VPS53: variants seen among roughly 807,000 people sequenced by gnomAD.
VPS53 encodes the protein VPS53 subunit of GARP complex.
VPS53 carries 70 observed loss-of-function variants against 107.0 expected under a neutral mutation model. The ratio of observed to expected loss-of-function variants is 0.65; its 90% confidence interval spans 0.54 to 0.80. The LOEUF (loss-of-function observed/expected upper bound fraction) is 0.80, where lower values mean the gene tolerates loss of function less well. Among genes scored for constraint, VPS53 ranks in the 30% least tolerant of loss-of-function variants. VPS53 has a pLI of 0.00. For missense variants in VPS53, 917 were observed against 1,049.4 expected (o/e 0.87, Z 1.74); for synonymous variants, 409 against 393.3 (o/e 1.04, Z -0.47).
chr17:616,250 TTGAATTAAAGAAGC>T (rs1267423186), intron 11 of VPS53: 1 of 151,988 alleles, frequency 6.6e-6, no homozygotes, highest in Non-Finnish European at 1.5e-5. Flanking sequence ...GAGGACGAAG[TTGAATTAAAGAAGC>T]TGAAGGATTT....
chr17:563,200 A>T (rs1913179652), intron 13 of VPS53, among the ~76,000 whole-genome samples: 1 of 152,150 alleles, frequency 6.6e-6, no homozygotes, highest in Non-Finnish European at 1.5e-5. Flanking sequence ...GAAAACCCTA[A>T]ATCATGATAG....
intron 4 of VPS53, among the ~76,000 whole-genome samples, 192 bp from the exon 5 acceptor site, chr17:662,087 G>A (rs993988494): frequency 1.3e-5 from 2 of 152,118 alleles, no homozygotes; most frequent in African/African-American, 2.4e-5. Flanking sequence ...GTAAACACTC[G>A]GGACTCTTAC....
intron 6 of VPS53, among the ~76,000 whole-genome samples, chr17:654,217 A>G (rs975677457): frequency 1.3e-5 from 2 of 152,034 alleles, no homozygotes; most frequent in Non-Finnish European, 2.9e-5. Context: ...AAAAATACAC[A>G]AAGAGCAGCA....
intron 13 of VPS53, among the ~76,000 whole-genome samples, chr17:572,411 T>TG (rs1161082968): frequency 2.5e-4 from 32 of 129,590 alleles, no homozygotes; most frequent in Non-Finnish European, 3.6e-4. Flanking sequence ...GGGAGGGAGG[T>TG]GGGGGGGTCA....
intron 12 of VPS53, among the ~76,000 whole-genome samples, chr17:597,033 T>C (rs1193383776): frequency 2.6e-5 from 4 of 152,248 alleles, no homozygotes; most frequent in Non-Finnish European, 5.9e-5. Flanking sequence ...TCCTTTCTGT[T>C]ATGCTTTCAG....
intron 5 of VPS53, among the ~76,000 whole-genome samples, chr17:660,711 C>T (rs1971405743): frequency 6.6e-6 from 1 of 151,234 alleles, no homozygotes; most frequent in South Asian, 2.1e-4. Flanking sequence ...CTGGGTGCTG[C>T]TGGGTGTGGT....
At chr17:698,355 C>G (rs1973060084) in intron 3 of VPS53, among the ~76,000 whole-genome samples, 1 of 151,516 alleles carries the variant, frequency 6.6e-6, no homozygotes, top group Admixed American at 6.6e-5. Flanking sequence ...ATTGCTCGAA[C>G]CTGGGAGGTG....
At position 586,310 on chromosome 17, in the gene VPS53, A is replaced by G; in HGVS notation, c.1273T>C (p.Phe425Leu). Residue 425 changes from phenylalanine (F) to leucine (L), a missense_variant, in exon 13 of 22, where the codon TTT becomes CTT. Physicochemically the swap from Phe to Leu is conservative, Grantham distance 22 (BLOSUM62 0). Transcript: ENST00000437048. ...ATATACACGTAGAGATGAGGCTCAA[A>G]ACACTTGGAAACAATGCCATGAAAT... ...NPFHGIVSKCFEPHLYVYIES... is the reference protein window; with the variant it reads ...NPFHGIVSKCLEPHLYVYIES... The G allele has an allele frequency of 6.2e-7, 1 of 1,614,124 alleles. No homozygotes were observed. The highest frequency in any genetic ancestry group is 2.2e-5 in the East Asian group (1 of 44,878).
At chr17:703,008 C>T (rs748235664) in intron 2 of VPS53, among the ~76,000 whole-genome samples, 6 of 152,158 alleles carry the variant, frequency 3.9e-5, no homozygotes, top group Non-Finnish European at 8.8e-5. Flanking sequence ...CAGTTCAAGA[C>T]CAGTCTCTGG....
intron 18 of VPS53, among the ~76,000 whole-genome samples, chr17:534,003 C>A (rs932584787): frequency 6.6e-6 from 1 of 152,092 alleles, no homozygotes; most frequent in Non-Finnish European, 1.5e-5. Context: ...GCATACCCAG[C>A]TAATTTTTGT....
chr17:553,520 C>G (rs1912057517), intron 15 of VPS53, 58 bp from the exon 16 acceptor site: 1 of 1,258,410 alleles, frequency 7.9e-7, no homozygotes, highest in Non-Finnish European at 1.1e-6. Flanking sequence ...GAAGTACCAT[C>G]ACAATAATAG....
At chr17:548,841 T>C (rs1002492125) in intron 17 of VPS53, among the ~76,000 whole-genome samples, 27 of 152,232 alleles carry the variant, frequency 1.8e-4, no homozygotes, top group African/African-American at 5.8e-4. Context: ...GTTTTCACCC[T>C]GTTTGAACTG....
intron 7 of VPS53, among the ~76,000 whole-genome samples, chr17:642,857 T>C (rs1970489137): frequency 1.4e-5 from 2 of 147,620 alleles, no homozygotes; most frequent in Non-Finnish European, 3.0e-5. Context: ...AGGACAACAC[T>C]CATACTTGGA....
chr17:613,815 T>C (rs1969011565), intron 11 of VPS53, among the ~76,000 whole-genome samples: 1 of 152,172 alleles, frequency 6.6e-6, no homozygotes, highest in African/African-American at 2.4e-5. Flanking sequence ...GTTCACACAG[T>C]GAAAACCTGT....
chr17:670,781 G>A (rs750558327), intron 4 of VPS53, among the ~76,000 whole-genome samples: 8 of 152,298 alleles, frequency 5.3e-5, no homozygotes, highest in East Asian at 3.9e-4. Flanking sequence ...TTCATTTTCC[G>A]AAGAGCTGGT....
At position 646,124 on chromosome 17, in the gene VPS53, G is replaced by A. The variant is rs184161286; in HGVS notation, c.608+7167C>T. ...GGAGACTGGCTCTTACACACATCTC[G>A]GTGACCGCGTGGCCTCTGCCTGATA... On this transcript the variant is annotated intron_variant, in intron 7 of 21. Coordinates refer to ENST00000437048, the MANE Select transcript of VPS53 (RefSeq NM_001128159.3). 1.6e-4 allele frequency among the ~76,000 whole-genome samples: 9 copies of A among 56,886 alleles called. 2 individuals carry two copies. The highest frequency in any genetic ancestry group is 2.4e-4 in the Non-Finnish European group (7 of 28,920). 37.3% of individuals were successfully genotyped at this position (56,886 alleles called of 152,430 possible).
chr17:539,988 C>A (rs973302149), intron 17 of VPS53, among the ~76,000 whole-genome samples: 3 of 151,954 alleles, frequency 2.0e-5, no homozygotes, highest in African/African-American at 7.3e-5. Flanking sequence ...AGCCCAAACC[C>A]GGTCTATCTA....
At chr17:693,660 G>A (rs916947636) in intron 4 of VPS53, among the ~76,000 whole-genome samples, 2 of 152,174 alleles carry the variant, frequency 1.3e-5, no homozygotes, top group Non-Finnish European at 2.9e-5. Flanking sequence ...CTTGGCCCCA[G>A]GAGTTCAAGG....
intron 4 of VPS53, among the ~76,000 whole-genome samples, chr17:670,578 T>C (rs1164587410): frequency 6.6e-6 from 1 of 152,206 alleles, no homozygotes; most frequent in African/African-American, 2.4e-5. Flanking sequence ...GCCACGTTAG[T>C]AGACAGAGGG....
Sources: gnomAD v4.1 joint callset for allele counts (sites outside exome capture counted in the v4.1 genomes callset) on GRCh38, gnomAD v4.1.1 for gene constraint, MANE v1.5 for transcripts, NCBI Gene and HGNC (gene_info 2026-07-23, HGNC 2026-07-21) for gene names.